Variants in CALN1 observed in about 807,000 individuals in gnomAD.
The protein encoded by CALN1 is calcium-binding protein 8.
CALN1 carries 17 observed loss-of-function variants against 30.6 expected under a neutral mutation model. The observed-to-expected ratio is 0.56, with a 90% confidence interval of 0.38 to 0.83. The LOEUF (loss-of-function observed/expected upper bound fraction) is 0.83, where lower values mean the gene tolerates loss of function less well. CALN1 is among the 40% of genes least tolerant of loss of function. The probability of loss-of-function intolerance (pLI) is 0.00; values close to 1 mark genes in which losing one functional copy is unlikely to be tolerated. For synonymous variants in CALN1, 156 were observed against 131.4 expected, an observed-to-expected ratio of 1.19 and a Z score of -1.28; for missense variants, 291 against 354.9, an observed-to-expected ratio of 0.82 and a Z score of 1.45.
intron 3 of CALN1, among the ~76,000 whole-genome samples, chr7:72,145,704 T>G (rs1298387880): frequency 2.0e-5 from 3 of 152,158 alleles, no homozygotes; most frequent in Non-Finnish European, 2.9e-5. Context: ...CGGATGAACA[T>G]CGATGCAAAA....
intron 3 of CALN1, among the ~76,000 whole-genome samples, chr7:72,268,922 A>G (rs2129553307): frequency 6.6e-6 from 1 of 152,174 alleles, no homozygotes; most frequent in African/African-American, 2.4e-5. Context: ...ATAAAACTGA[A>G]CCAAATATAT....
chr7:72,408,476 CAAAG>C (rs1806858903), intron 1 of CALN1, among the ~76,000 whole-genome samples: 1 of 151,676 alleles, frequency 6.6e-6, no homozygotes. Flanking sequence ...ATAATAAAGA[CAAAG>C]ACTCTCTAGA....
At chr7:72,293,220 G>A (rs570324674) in intron 2 of CALN1, among the ~76,000 whole-genome samples, 3 of 152,198 alleles carry the variant, frequency 2.0e-5, no homozygotes, top group African/African-American at 4.8e-5. Flanking sequence ...AGAGATTAGA[G>A]ATGGCAGCAA....
At chr7:72,123,186 A>C (rs1282181904) in intron 3 of CALN1, among the ~76,000 whole-genome samples, 1 of 152,168 alleles carries the variant, frequency 6.6e-6, no homozygotes, top group Admixed American at 6.5e-5. Context: ...TAGTGTCTTA[A>C]ACCAAGACAG....
chr7:71,831,895 AAAC>A (rs1210517129), intron 5 of CALN1, among the ~76,000 whole-genome samples: 1 of 150,028 alleles, frequency 6.7e-6, no homozygotes, highest in Non-Finnish European at 1.5e-5. Flanking sequence ...AAAAAAAAAA[AAAC>A]AAACCAAAAA....
intron 4 of CALN1, among the ~76,000 whole-genome samples, chr7:72,044,406 C>A (rs1159884072): frequency 1.3e-5 from 2 of 151,946 alleles, no homozygotes; most frequent in African/African-American, 4.8e-5. Flanking sequence ...ATGAGCAAGG[C>A]AGATACAAAG....
At chr7:71,996,988 G>C (rs1164912470) in intron 5 of CALN1, among the ~76,000 whole-genome samples, 1 of 152,182 alleles carries the variant, frequency 6.6e-6, no homozygotes, top group Non-Finnish European at 1.5e-5. Flanking sequence ...GTACTTTGGG[G>C]AGGCCAAGGT....
intron 3 of CALN1, among the ~76,000 whole-genome samples, chr7:72,174,491 G>C (rs1257679410): frequency 6.6e-6 from 1 of 151,966 alleles, no homozygotes; most frequent in African/African-American, 2.4e-5. Flanking sequence ...TCAAAAACTA[G>C]CTAAACAAAA....
intron 5 of CALN1, among the ~76,000 whole-genome samples, chr7:72,014,215 T>C (rs1479742281): frequency 5.3e-5 from 8 of 151,902 alleles, no homozygotes; most frequent in Admixed American, 4.6e-4. Flanking sequence ...GCCTCCCAGG[T>C]AGCTGGGACT....
intron 2 of CALN1, among the ~76,000 whole-genome samples, chr7:72,310,159 T>C (rs1686186621): frequency 6.6e-6 from 1 of 151,732 alleles, no homozygotes; most frequent in South Asian, 2.1e-4. Context: ...GGCAGCCTAG[T>C]AGATTGGTCT....
chr7:72,117,498 C>T (rs1808068567), intron 3 of CALN1, among the ~76,000 whole-genome samples: 1 of 152,108 alleles, frequency 6.6e-6, no homozygotes, highest in Non-Finnish European at 1.5e-5. Flanking sequence ...TATGCCTAAA[C>T]TCTGAAAGGG....
intron 5 of CALN1, among the ~76,000 whole-genome samples, chr7:71,971,807 A>G (rs986463243): frequency 6.6e-6 from 1 of 151,318 alleles, no homozygotes; most frequent in African/African-American, 2.4e-5. Flanking sequence ...CTGAGATGGG[A>G]GGATCACCAG....
the CALN1 span, among the ~76,000 whole-genome samples, chr7:72,502,854 T>A: frequency 3.9e-5 from 6 of 152,138 alleles, no homozygotes; most frequent in Non-Finnish European, 8.8e-5. Context: ...TTTCTATAAC[T>A]GTAAAAAGAA....
At chr7:72,483,140 T>G in the CALN1 span, among the ~76,000 whole-genome samples, 1 of 152,124 alleles carries the variant, frequency 6.6e-6, no homozygotes, top group Non-Finnish European at 1.5e-5. Flanking sequence ...CTCTGGCTGC[T>G]TTTAAAATTT....
intron 2 of CALN1, among the ~76,000 whole-genome samples, chr7:72,310,592 T>G (rs1039790811): frequency 1.3e-5 from 2 of 151,808 alleles, no homozygotes; most frequent in South Asian, 2.1e-4. Flanking sequence ...TTGATGCATC[T>G]GGTGACATCT....
chr7:72,016,998 C>CAAAAAAAAAAAAAAA (rs754201004), intron 5 of CALN1, among the ~76,000 whole-genome samples: 376 of 31,894 alleles, frequency 0.012, 35 homozygotes, highest in African/African-American at 0.019. Context: ...ACTAAAAATA[C>CAAAAAAAAAAAAAAA]AAAAAAAAAA....
chr7:72,205,348 G>A (rs112078318), intron 3 of CALN1, among the ~76,000 whole-genome samples: 3 of 150,920 alleles, frequency 2.0e-5, no homozygotes, highest in African/African-American at 4.9e-5. Context: ...TTACAGGCAT[G>A]TACCACCACA....
intron 3 of CALN1, among the ~76,000 whole-genome samples, chr7:72,267,932 A>C (rs1039544750): frequency 6.6e-6 from 1 of 152,168 alleles, no homozygotes; most frequent in Non-Finnish European, 1.5e-5. Context: ...GCTTGAGCCC[A>C]GAAGTGTGAG....
chr7:72,154,194 A>G lies in CALN1; in HGVS notation c.245-47900T>C, dbSNP rs1386756415. ...TAAAATAATGACCTAGGGCCAGACAAACTGCTTCTTTTAACTAAGGAGGGA... is the reference window on the plus strand; with the variant it reads ...TAAAATAATGACCTAGGGCCAGACAGACTGCTTCTTTTAACTAAGGAGGGA... On this transcript the variant is annotated intron_variant, in intron 3 of 6. Transcript: ENST00000395275. Among the ~76,000 whole-genome samples the G allele has an allele frequency of 2.6e-5, 4 of 151,880 alleles. No individual in the cohort carries two copies. The East Asian group carries it at 5.8e-4, about 22-fold the overall frequency.
Sources: allele counts gnomAD v4.1 joint callset (sites outside exome capture counted in the v4.1 genomes callset), GRCh38; gene constraint gnomAD v4.1.1; transcripts MANE v1.5; gene names NCBI Gene and HGNC (gene_info 2026-07-23, HGNC 2026-07-21).